The following VPS35L variants were observed in gnomAD, a reference collection of about 807,000 sequenced individuals.
The protein encoded by VPS35L is VPS35 endosomal protein sorting factor like.
VPS35L carries 83 observed loss-of-function variants against 133.0 expected under a neutral mutation model. The observed-to-expected ratio is 0.62, with a 90% CI of 0.52 to 0.75. The LOEUF (loss-of-function observed/expected upper bound fraction) is 0.75. VPS35L is among the 30% of genes least tolerant of loss of function. The pLI is 0.00. For synonymous variants in VPS35L, 423 were observed against 449.9 expected, an observed-to-expected ratio of 0.94 and a Z score of 0.76; for missense variants, 1,083 against 1,206.8, an observed-to-expected ratio of 0.90 and a Z score of 1.52.
intron 28 of VPS35L, among the ~76,000 whole-genome samples, chr16:19,684,746 T>C (rs1975398553): frequency 6.6e-6 from 1 of 152,202 alleles, no homozygotes; most frequent in South Asian, 2.1e-4. Flanking sequence ...TGCATTACAC[T>C]GCTTTGTTGA....
At chr16:19,674,233 G>T (rs1974984471) in intron 27 of VPS35L, among the ~76,000 whole-genome samples, 1 of 116,982 alleles carries the variant, frequency 8.5e-6, no homozygotes, top group Admixed American at 1.2e-4. Context: ...CTGTCACCCA[G>T]GCTAGATGGA....
At chr16:19,667,434 G>A (rs981765884) in intron 26 of VPS35L, among the ~76,000 whole-genome samples, 1 of 152,098 alleles carries the variant, frequency 6.6e-6, no homozygotes, top group Non-Finnish European at 1.5e-5. Flanking sequence ...TACGTAACAG[G>A]CTTAGAAAAT....
chr16:19,622,836 C>T (rs982577516), intron 14 of VPS35L, among the ~76,000 whole-genome samples: 13 of 152,154 alleles, frequency 8.5e-5, no homozygotes, highest in African/African-American at 3.1e-4. Context: ...TCAATTTTGT[C>T]ACCAGCTAGG....
At chr16:19,559,727 T>G (rs569744839) in intron 1 of VPS35L, among the ~76,000 whole-genome samples, 7 of 152,118 alleles carry the variant, frequency 4.6e-5, no homozygotes, top group South Asian at 2.1e-4. Flanking sequence ...TTTTTTTTTT[T>G]GAGATGCAGT....
intron 27 of VPS35L, among the ~76,000 whole-genome samples, chr16:19,677,670 T>G (rs1203856685): frequency 6.6e-6 from 1 of 152,212 alleles, no homozygotes; most frequent in African/African-American, 2.4e-5. Flanking sequence ...CCCGAGCTGC[T>G]GGTGAGACAG....
chr16:19,561,923 T>C (rs749449423), intron 1 of VPS35L, among the ~76,000 whole-genome samples: 25 of 151,932 alleles, frequency 1.6e-4, no homozygotes, highest in Non-Finnish European at 2.5e-4. Flanking sequence ...TTGGCCAACA[T>C]GGTGAAACCC....
At chr16:19,601,163 A>G (rs1446023287) in intron 8 of VPS35L, among the ~76,000 whole-genome samples, 1 of 152,208 alleles carries the variant, frequency 6.6e-6, no homozygotes, top group Non-Finnish European at 1.5e-5. Flanking sequence ...TCCTGGGCTC[A>G]AGCAGTCTTC....
intron 1 of VPS35L, among the ~76,000 whole-genome samples, chr16:19,563,789 G>A (rs1971099897): frequency 6.6e-6 from 1 of 152,204 alleles, no homozygotes; most frequent in Admixed American, 6.5e-5. Context: ...AATCTGGGCT[G>A]GATTTCTGTC....
chr16:19,584,946 T>A (rs986739623), intron 7 of VPS35L, among the ~76,000 whole-genome samples: 3 of 152,208 alleles, frequency 2.0e-5, no homozygotes, highest in African/African-American at 7.2e-5. Flanking sequence ...TATTTTCACA[T>A]ACTTGTTGGC....
chr16:19,660,918 C>T (rs1425463935), intron 26 of VPS35L, among the ~76,000 whole-genome samples: 1 of 151,976 alleles, frequency 6.6e-6, no homozygotes, highest in Non-Finnish European at 1.5e-5. Flanking sequence ...GCTGTATCTC[C>T]CCACCCCACC....
chr16:19,641,311 C>T (rs1004825405), intron 21 of VPS35L, among the ~76,000 whole-genome samples: 3 of 151,920 alleles, frequency 2.0e-5, no homozygotes, highest in Admixed American at 1.3e-4. Context: ...AAGTGATCCA[C>T]CCGCCTCGGC....
Position 19,644,926 on chromosome 16 carries a change from T to C in VPS35L, c.1906T>C (p.Leu636=). ...LEDEKRMLSY[L]INGFIKMVSF... ...GGATGAGAAAAGAATGCTGTCATAT[T>C]TGATTAATGGATTTATAAAAATGGT... The change falls in exon 23 of 31, where the codon TTG becomes CTG. Residue 636 remains leucine, a synonymous_variant. Transcript: ENST00000417362. The C allele has an allele frequency of 1.2e-6, 2 of 1,600,818 alleles. No homozygotes were observed. The highest frequency in any genetic ancestry group is 1.7e-6 in the Non-Finnish European group (2 of 1,168,642).
intron 11 of VPS35L, among the ~76,000 whole-genome samples, chr16:19,609,321 G>A (rs1972633898): frequency 6.6e-6 from 1 of 152,188 alleles, no homozygotes; most frequent in Admixed American, 6.5e-5. Context: ...GTATGGTCTT[G>A]AACAAGTTAC....
intron 9 of VPS35L, among the ~76,000 whole-genome samples, chr16:19,604,523 G>A (rs1264870085): frequency 6.6e-6 from 1 of 151,892 alleles, no homozygotes; most frequent in Non-Finnish European, 1.5e-5. Context: ...ATCATTGTTT[G>A]TTTTCCTTTT....
Position 19,700,482 on chromosome 16 carries a change from G to A in VPS35L, c.*6G>A, listed in dbSNP as rs201246030. ...CTCTGCAAACAAGGACCTGACCCCC[G>A]GGCCCATCCCCAGGCTCAGGGACTC... On this transcript the variant is annotated 3_prime_UTR_variant, in exon 31 of 31. Transcript: ENST00000417362. 64 of 1,612,204 alleles carry A rather than the reference G, an allele frequency of 4.0e-5. No homozygotes were observed. Among genetic ancestry groups the A allele is most frequent in the Middle Eastern group, 1.6e-4 (1 of 6,082 alleles).
chr16:19,682,406 C>T lies in VPS35L; in HGVS notation c.2527+16C>T, dbSNP rs1466707835. On this transcript the variant is annotated intron_variant, in intron 28 of 30. Transcript: ENST00000417362. ...ATAGACAAAGGTAGCAGAGCCTCCC[C>T]CACCAAACCATGCTCCGCATGGATT... The T allele has an allele frequency of 6.2e-7, 1 of 1,611,330 alleles. No homozygotes were observed. The highest frequency in any genetic ancestry group is 1.7e-5 in the Admixed American group (1 of 59,712).
intron 9 of VPS35L, among the ~76,000 whole-genome samples, chr16:19,604,826 A>T (rs1972493543): frequency 6.6e-6 from 1 of 152,332 alleles, no homozygotes; most frequent in South Asian, 2.1e-4. Flanking sequence ...TTCGGAGTTG[A>T]GAAAGATACA....
chr16:19,700,730 A>G lies in VPS35L; in HGVS notation c.*254A>G, dbSNP rs553569387. ...TCTTTGCACAAGTGGCCTTCGGTCT[A>G]CTCAGCCCGATCTGATGGGCCTTTT... On this transcript the variant is annotated 3_prime_UTR_variant, in exon 31 of 31. Coordinates refer to ENST00000417362, the MANE Select transcript of VPS35L (RefSeq NM_020314.7). 1.6e-4 allele frequency: 70 copies of G among 443,126 alleles called. No homozygotes were observed. The highest frequency in any genetic ancestry group is 1.2e-3 in the African/African-American group (60 of 51,406). 27.4% of individuals were successfully genotyped at this position (443,126 alleles called of 1,614,324 possible).
At chr16:19,669,433 G>T (rs1597415963) in intron 27 of VPS35L, 134 bp downstream of exon 27, 1 of 1,116,266 alleles carries the variant, frequency 9.0e-7, no homozygotes, top group East Asian at 2.5e-5. Flanking sequence ...TTAGGTATTT[G>T]AATTGCTTAA....
Sources: gnomAD v4.1 joint callset for allele counts (sites outside exome capture counted in the v4.1 genomes callset) on GRCh38, gnomAD v4.1.1 for gene constraint, MANE v1.5 for transcripts, NCBI Gene and HGNC (gene_info 2026-07-23, HGNC 2026-07-21) for gene names.